The following DNAH11 variants were observed in gnomAD, a reference collection of about 807,000 sequenced individuals.
DNAH11 encodes the protein dynein axonemal heavy chain 11.
DNAH11 carries 442 observed loss-of-function variants against 526.0 expected under a neutral mutation model. That is an observed-to-expected ratio of 0.84 (90% CI 0.78 to 0.91). DNAH11 has a LOEUF of 0.91. DNAH11 is among the 40% of genes least tolerant of loss of function. The pLI, the probability that DNAH11 is intolerant of heterozygous loss-of-function variation, is 0.00. For synonymous variants in DNAH11, 2,461 were observed against 1,935.9 expected (o/e 1.27, Z -7.12); for missense variants, 6,989 against 5,448.7 (o/e 1.28, Z -8.90).
chr7:21,575,968 G>GTTTAAAAT (rs1344459130), intron 8 of DNAH11, among the ~76,000 whole-genome samples: 1 of 152,104 alleles, frequency 6.6e-6, no homozygotes, highest in Non-Finnish European at 1.5e-5. Flanking sequence ...AGATATCATT[G>GTTTAAAAT]TTTAAAATTT....
At chr7:21,667,254 T>G (rs189109979) in intron 30 of DNAH11, among the ~76,000 whole-genome samples, 1 of 152,144 alleles carries the variant, frequency 6.6e-6, no homozygotes, top group Non-Finnish European at 1.5e-5. Context: ...GCAAGCAAAG[T>G]GAGCCATTTA....
Position 21,600,094 on chromosome 7 carries a change from C to T in DNAH11, c.2975C>T (p.Thr992Ile), listed in dbSNP as rs777972960. ...RMSAQMNRIA[T>I]HLEIKNYQND... The stretch of plus-strand genomic sequence containing the variant: ...TCTGCCCAGATGAACCGAATAGCAA[C>T]ACACCTGGAAATTAAAAATTATCAG... The change falls in exon 15 of 82, where the codon ACA (threonine) becomes ATA (isoleucine). Residue 992 changes from threonine (T) to isoleucine (I), a missense_variant. By Grantham distance (89) the Thr-to-Ile change is moderately conservative. Coordinates refer to ENST00000409508, the MANE Select transcript of DNAH11 (RefSeq NM_001277115.2). 1 of 1,556,574 alleles carries T rather than the reference C, an allele frequency of 6.4e-7. No homozygotes were observed. The highest frequency in any genetic ancestry group is 8.7e-7 in the Non-Finnish European group (1 of 1,148,586).
chr7:21,641,818 A>T (rs957927232), intron 28 of DNAH11, among the ~76,000 whole-genome samples: 20 of 152,174 alleles, frequency 1.3e-4, no homozygotes, highest in African/African-American at 4.6e-4. Context: ...CATTTTAACT[A>T]CGCGTTCTAA....
At position 21,560,167 on chromosome 7, in the gene DNAH11, G is replaced by C. The variant is rs1783396098; in HGVS notation, c.882+375G>C. Among the ~76,000 whole-genome samples, 4 of 152,294 alleles carry C rather than the reference G, an allele frequency of 2.6e-5. No individual in the cohort carries two copies. The South Asian group carries it at 8.3e-4, about 32-fold the overall frequency. ...AGACTAACTTTGGTTCCTCTGCTGGGTGCTTGCCATACAAATTACTTACTT... is the reference window on the plus strand; with the variant it reads ...AGACTAACTTTGGTTCCTCTGCTGGCTGCTTGCCATACAAATTACTTACTT... On this transcript the variant is annotated intron_variant, in intron 4 of 81. Coordinates refer to ENST00000409508, the MANE Select transcript of DNAH11 (RefSeq NM_001277115.2).
At chr7:21,810,823 G>T (rs1400896566) in intron 63 of DNAH11, among the ~76,000 whole-genome samples, 2 of 152,054 alleles carry the variant, frequency 1.3e-5, no homozygotes, top group Non-Finnish European at 2.9e-5. Context: ...GAGCATTTTA[G>T]GCTGAAAAGA....
At chr7:21,870,940 A>G (rs1783471630) in intron 73 of DNAH11, among the ~76,000 whole-genome samples, 1 of 152,234 alleles carries the variant, frequency 6.6e-6, no homozygotes, top group African/African-American at 2.4e-5. Context: ...GCTAGTATCC[A>G]TTTGATCAGC....
chr7:21,770,319 T>C (rs906866014), intron 55 of DNAH11, among the ~76,000 whole-genome samples: 1 of 152,246 alleles, frequency 6.6e-6, no homozygotes, highest in Non-Finnish European at 1.5e-5. Flanking sequence ...ATGCACATAG[T>C]GCAAAGGTAA....
intron 65 of DNAH11, among the ~76,000 whole-genome samples, chr7:21,837,645 C>T (rs528950882): frequency 2.0e-5 from 3 of 152,166 alleles, no homozygotes; most frequent in East Asian, 1.9e-4. Flanking sequence ...AATAGATCAT[C>T]GTTACTTTTT....
intron 36 of DNAH11, among the ~76,000 whole-genome samples, chr7:21,699,753 T>TAATA (rs1783985934): frequency 6.6e-6 from 1 of 152,008 alleles, no homozygotes; most frequent in African/African-American, 2.4e-5. Flanking sequence ...GAAAAAAATG[T>TAATA]AATAGAGCCC....
At chr7:21,739,755 A>G in intron 48 of DNAH11, 82 bp downstream of exon 48, 1 of 1,076,304 alleles carries the variant, frequency 9.3e-7, no homozygotes, top group East Asian at 2.6e-5. Context: ...CCTATGGGAC[A>G]TCTTGTTAAG....
intron 75 of DNAH11, among the ~76,000 whole-genome samples, chr7:21,883,127 A>G (rs181982193): frequency 6.6e-6 from 1 of 152,356 alleles, no homozygotes; most frequent in African/African-American, 2.4e-5. Flanking sequence ...TCATTTATTC[A>G]AATTCAAATA....
At chr7:21,868,777 A>G in intron 72 of DNAH11, 87 bp from the exon 73 acceptor site, 1 of 1,534,674 alleles carries the variant, frequency 6.5e-7, no homozygotes, top group African/African-American at 1.4e-5. Context: ...TGCGGTGACC[A>G]CAGATGTGCA....
intron 65 of DNAH11, among the ~76,000 whole-genome samples, chr7:21,839,381 T>G (rs1782116794): frequency 6.6e-6 from 1 of 152,070 alleles, no homozygotes; most frequent in African/African-American, 2.4e-5. Context: ...GAGACCAGCC[T>G]GGACAACATG....
intron 14 of DNAH11, among the ~76,000 whole-genome samples, chr7:21,597,656 G>C (rs1423844553): frequency 6.6e-6 from 1 of 152,158 alleles, no homozygotes; most frequent in Non-Finnish European, 1.5e-5. Context: ...CAGCAAGCGG[G>C]GGGTTGGGGC....
chr7:21,739,372 T>C (rs1456928504), intron 47 of DNAH11, among the ~76,000 whole-genome samples, 199 bp from the exon 48 acceptor site: 1 of 152,190 alleles, frequency 6.6e-6, no homozygotes, highest in African/African-American at 2.4e-5. Context: ...TTGATTTTTG[T>C]CATCAAATGA....
In DNAH11 at chr7:21,899,337, T is replaced by G. The variant is rs1486047322; in HGVS notation, c.13051T>G (p.Phe4351Val). The G allele has an allele frequency of 1.2e-6, 2 of 1,613,798 alleles. No homozygotes were observed. The highest frequency in any genetic ancestry group is 2.2e-5 in the South Asian group (2 of 91,072). Reference sequence around the variant, plus strand: ...TTCTTCCTCCCTCCCATAAACCAGGTTCAATGACCTCCTCCTGCGATGCCG... The same window carrying G: ...TTCTTCCTCCCTCCCATAAACCAGGGTCAATGACCTCCTCCTGCGATGCCG... Reference protein sequence around the residue: ...YPSTYGLAQWFNDLLLRCREL... With the variant: ...YPSTYGLAQWVNDLLLRCREL... The change falls in exon 80 of 82, where the codon TTC becomes GTC. Residue 4351 changes from phenylalanine (F) to valine (V), a missense_variant and splice_region_variant. Transcript: ENST00000409508.
intron 31 of DNAH11, among the ~76,000 whole-genome samples, chr7:21,683,307 T>C (rs1783217904): frequency 6.6e-6 from 1 of 152,170 alleles, no homozygotes; most frequent in African/African-American, 2.4e-5. Context: ...CAATGAAAAA[T>C]ACTGTTATTT....
Position 21,628,590 on chromosome 7 carries a change from A to G in DNAH11, c.4501-7281A>G, listed in dbSNP as rs981827497. Among the ~76,000 whole-genome samples, 4 of 152,250 alleles carry G rather than the reference A, an allele frequency of 2.6e-5. No individual in the cohort carries two copies. The South Asian group carries it at 8.3e-4, about 32-fold the overall frequency. On this transcript the variant is annotated intron_variant, in intron 25 of 81. Transcript: ENST00000409508. The stretch of plus-strand genomic sequence containing the variant: ...TGGTTCTATTGATGTGCTACATCAC[A>G]TTTGTTGACTCACATAAGTTAAACT...
At chr7:21,601,856 A>G (rs1785104044) in intron 18 of DNAH11, among the ~76,000 whole-genome samples, 1 of 151,676 alleles carries the variant, frequency 6.6e-6, no homozygotes, top group African/African-American at 2.4e-5. Flanking sequence ...ATACTTAACC[A>G]CTGTGCTCCA....
Sources: allele counts gnomAD v4.1 joint callset (sites outside exome capture counted in the v4.1 genomes callset), GRCh38; gene constraint gnomAD v4.1.1; transcripts MANE v1.5; gene names NCBI Gene and HGNC (gene_info 2026-07-23, HGNC 2026-07-21).